Variants in CSGALNACT1 observed in about 807,000 individuals in gnomAD.
CSGALNACT1 encodes the protein beta4GalNAcT-1.
A neutral mutation model predicts 51.0 loss-of-function variants in CSGALNACT1; 52 were observed. The observed-to-expected ratio is 1.02, with a 90% CI of 0.82 to 1.29. CSGALNACT1 has a LOEUF of 1.29. Among genes scored for constraint, CSGALNACT1 ranks in the 50% most tolerant of loss-of-function variants. The pLI is 0.00. For synonymous variants in CSGALNACT1, 341 were observed against 254.4 expected (o/e 1.34, Z -3.24); for missense variants, 935 against 679.2 (o/e 1.38, Z -4.19).
At chr8:19,615,196 C>T (rs1241078955) in intron 1 of CSGALNACT1, among the ~76,000 whole-genome samples, 5 of 152,036 alleles carry the variant, frequency 3.3e-5, no homozygotes, top group African/African-American at 9.7e-5. Flanking sequence ...CCCAGCTACT[C>T]GGAGGTTGAG....
chr8:19,415,053 C>T (rs971905730), intron 8 of CSGALNACT1, among the ~76,000 whole-genome samples: 5 of 152,200 alleles, frequency 3.3e-5, no homozygotes, highest in African/African-American at 7.2e-5. Flanking sequence ...CTTCATACGT[C>T]AGTTCTCATC....
At chr8:19,540,215 C>T (rs1485164797) in intron 3 of CSGALNACT1, among the ~76,000 whole-genome samples, 1 of 152,158 alleles carries the variant, frequency 6.6e-6, no homozygotes, top group East Asian at 1.9e-4. Context: ...GACCTAAATA[C>T]GTGACCAGAA....
At chr8:19,659,715 G>A (rs974830478) in intron 1 of CSGALNACT1, among the ~76,000 whole-genome samples, 4 of 152,148 alleles carry the variant, frequency 2.6e-5, no homozygotes, top group Non-Finnish European at 5.9e-5. Flanking sequence ...ATTGGCTAAA[G>A]GCTGGCAGGT....
rs958289913 is a variant in CSGALNACT1, at chr8:19,467,089, AC to A, written c.635-8448del. ...CTCACTTAGAGTGCCTTCTCATTTC[AC>A]CATTGGTACTAGCAGCTGACTTTTT... On this transcript the variant is annotated intron_variant, in intron 4 of 9. Coordinates refer to ENST00000454498, the Ensembl canonical transcript of CSGALNACT1. Among the ~76,000 whole-genome samples the A allele has an allele frequency of 3.5e-4, 51 of 144,606 alleles. No homozygotes were observed. The Middle Eastern group carries it at 0.012, about 34-fold the overall frequency. The allele number at this position is 144,606 out of a possible 152,430, so 94.9% of individuals were successfully genotyped here.
exon 1 of CSGALNACT1, chr8:19,602,340 G>C (rs1051125615): frequency 6.6e-6 from 1 of 151,840 alleles, no homozygotes; most frequent in Admixed American, 6.6e-5. Context: ...ACGGTTTCAT[G>C]AAATGAAATG....
At chr8:19,451,610 GC>G (rs1442409977) in intron 5 of CSGALNACT1, among the ~76,000 whole-genome samples, 1 of 152,128 alleles carries the variant, frequency 6.6e-6, no homozygotes, top group Non-Finnish European at 1.5e-5. Context: ...TGGCCAGTAC[GC>G]CGGGTGAGCT....
In CSGALNACT1 at chr8:19,442,340, G is replaced by C. The variant is rs2061445374; in HGVS notation, c.852-2409C>G. On this transcript the variant is annotated intron_variant, in intron 5 of 9. Coordinates refer to ENST00000454498, the Ensembl canonical transcript of CSGALNACT1. ...AACCCAAATGTCCAACAATGACAGA[G>C]TGGATTAAGAAAATGTGGCACATAT... Among the ~76,000 whole-genome samples the C allele has an allele frequency of 3.3e-5, 5 of 152,192 alleles. No individual in the cohort carries two copies. In the South Asian group the frequency reaches 1.0e-3, roughly 32 times the overall value.
At position 19,418,762 on chromosome 8, in the gene CSGALNACT1, AAAAC is replaced by A. The variant is rs2057368687; in HGVS notation, c.1133-16_1133-13del. 8 of 1,566,916 alleles carry A rather than the reference AAAAC, an allele frequency of 5.1e-6. No homozygotes were observed. Among genetic ancestry groups the A allele is most frequent in the Non-Finnish European group, 7.0e-6 (8 of 1,137,076 alleles). On this transcript the variant is annotated splice_polypyrimidine_tract_variant and intron_variant, in intron 7 of 9. Coordinates refer to ENST00000454498, the Ensembl canonical transcript of CSGALNACT1. ...AAATACCTTCTTCCCTACAAACCAG[AAAAC>A]AAACATTCACTTAAAGTGACAGATC...
chr8:19,576,381 C>T lies in CSGALNACT1; in HGVS notation c.-297+14779G>A, dbSNP rs548694627. 1.1e-4 allele frequency among the ~76,000 whole-genome samples: 16 copies of T among 152,144 alleles called. No individual in the cohort carries two copies. In the South Asian group the frequency reaches 2.3e-3, roughly 22 times the overall value. On this transcript the variant is annotated intron_variant, in intron 3 of 9. Coordinates refer to ENST00000454498, the Ensembl canonical transcript of CSGALNACT1. ...CTAATTTTTGTATTTTTAGTAGAGA[C>T]GGGGTTTCATTATGTTGGCCAGGCT...
At chr8:19,497,221 A>C (rs1189307051) in intron 4 of CSGALNACT1, among the ~76,000 whole-genome samples, 1 of 152,218 alleles carries the variant, frequency 6.6e-6, no homozygotes, top group Non-Finnish European at 1.5e-5. Context: ...GTAAGCTGTG[A>C]ATAACAAGAA....
intron 1 of CSGALNACT1, among the ~76,000 whole-genome samples, chr8:19,729,491 A>G (rs1445074817): frequency 1.3e-5 from 2 of 152,188 alleles, no homozygotes; most frequent in East Asian, 3.9e-4. Flanking sequence ...TTGCTGTCCC[A>G]GGAGTATTCA....
chr8:19,610,118 C>G (rs1272749837), intron 1 of CSGALNACT1, among the ~76,000 whole-genome samples: 1 of 150,782 alleles, frequency 6.6e-6, no homozygotes, highest in East Asian at 2.0e-4. Context: ...GCTAAAACCC[C>G]GTCTCTACTA....
intron 3 of CSGALNACT1, among the ~76,000 whole-genome samples, chr8:19,588,504 T>A (rs181384167): frequency 1.8e-4 from 27 of 152,340 alleles, no homozygotes; most frequent in African/African-American, 5.8e-4. Flanking sequence ...AATGTAAATA[T>A]CACTCGTGAG....
intron 1 of CSGALNACT1, among the ~76,000 whole-genome samples, chr8:19,678,328 CAA>C (rs559060779): frequency 2.8e-4 from 42 of 152,086 alleles, no homozygotes; most frequent in Non-Finnish European, 5.0e-4. Context: ...AACAAACAGG[CAA>C]AGTTTTCGGA....
chr8:19,528,540 C>A (rs1003936770), intron 3 of CSGALNACT1, among the ~76,000 whole-genome samples: 3 of 152,154 alleles, frequency 2.0e-5, no homozygotes, highest in African/African-American at 7.2e-5. Context: ...ACTTTATCCT[C>A]ATTCTAGACC....
chr8:19,606,375 C>A (rs899943316), upstream of CSGALNACT1, among the ~76,000 whole-genome samples: 1 of 152,194 alleles, frequency 6.6e-6, no homozygotes. Context: ...ACTATACAGA[C>A]AACTTCTAAA....
intron 3 of CSGALNACT1, among the ~76,000 whole-genome samples, chr8:19,584,043 T>C (rs947654176): frequency 1.3e-5 from 2 of 152,180 alleles, no homozygotes; most frequent in African/African-American, 4.8e-5. Flanking sequence ...ATTCATAGAC[T>C]CAGCCCAAGT....
At chr8:19,707,231 A>C (rs7836255) in intron 1 of CSGALNACT1, among the ~76,000 whole-genome samples, 2 of 151,988 alleles carry the variant, frequency 1.3e-5, no homozygotes, top group African/African-American at 4.8e-5. Flanking sequence ...GAAATTCTTG[A>C]TTGGTTGACA....
chr8:19,656,868 C>A (rs560272802), intron 1 of CSGALNACT1, among the ~76,000 whole-genome samples: 1 of 151,962 alleles, frequency 6.6e-6, no homozygotes, highest in African/African-American at 2.4e-5. Context: ...GAGTTCCAGA[C>A]CAGCCTGGCC....
Sources: gnomAD v4.1 joint callset for allele counts (sites outside exome capture counted in the v4.1 genomes callset) on GRCh38, gnomAD v4.1.1 for gene constraint, MANE v1.5 for transcripts, NCBI Gene and HGNC (gene_info 2026-07-23, HGNC 2026-07-21) for gene names.